AP3S2: variants seen among roughly 807,000 people sequenced by gnomAD.
The protein encoded by AP3S2 is AP-3 complex subunit sigma-2.
In AP3S2, 22 loss-of-function variants were observed where a neutral mutation model predicts 23.4. That is an observed-to-expected ratio of 0.94 (90% CI 0.67 to 1.34). The LOEUF (loss-of-function observed/expected upper bound fraction) is 1.34, where lower values mean the gene tolerates loss of function less well. Among genes scored for constraint, AP3S2 ranks in the 40% most tolerant of loss-of-function variants. AP3S2 has a pLI of 0.00. For synonymous variants in AP3S2, 86 were observed against 87.1 expected (o/e 0.99, Z 0.07); for missense variants, 241 against 236.9 (o/e 1.02, Z -0.11).
intron 3 of AP3S2, among the ~76,000 whole-genome samples, chr15:89,874,765 T>C (rs1319697087): frequency 1.3e-5 from 2 of 152,094 alleles, no homozygotes; most frequent in African/African-American, 4.8e-5. Context: ...CTGAGTGACA[T>C]ACCAAGACCT....
At chr15:89,841,815 T>C (rs1329858998) in intron 4 of AP3S2, among the ~76,000 whole-genome samples, 1 of 151,892 alleles carries the variant, frequency 6.6e-6, no homozygotes, top group East Asian at 1.9e-4. Flanking sequence ...TATTTAAAGA[T>C]AAGTATACAA....
At chr15:89,857,509 T>C (rs922389791) in intron 4 of AP3S2, among the ~76,000 whole-genome samples, 1 of 152,188 alleles carries the variant, frequency 6.6e-6, no homozygotes, top group Non-Finnish European at 1.5e-5. Context: ...CTCCCACATA[T>C]AAAAACCATT....
At chr15:89,885,934 C>CAAA (rs34323747) in intron 3 of AP3S2, among the ~76,000 whole-genome samples, 1 of 104,920 alleles carries the variant, frequency 9.5e-6, no homozygotes, top group Non-Finnish European at 1.9e-5. Context: ...GACCTTGTCT[C>CAAA]AAAAAAAAAA....
intron 4 of AP3S2, among the ~76,000 whole-genome samples, chr15:89,858,541 GAAAGAAAGAA>G (rs1567178832): frequency 6.9e-6 from 1 of 145,418 alleles, no homozygotes; most frequent in Non-Finnish European, 1.5e-5. Context: ...AAGAAAGAAA[GAAAGAAAGAA>G]AGAAAGAAAG....
chr15:89,847,375 CAAAAAAAAAAAAAAAA>C (rs11314336), intron 4 of AP3S2, among the ~76,000 whole-genome samples: 6 of 62,596 alleles, frequency 9.6e-5, no homozygotes, highest in Admixed American at 5.1e-4. Context: ...GACCCTGTTA[CAAAAAAAAAAAAAAAA>C]AAAAAAAAAA....
intron 4 of AP3S2, among the ~76,000 whole-genome samples, chr15:89,850,150 TA>T (rs1340636135): frequency 6.6e-6 from 1 of 152,244 alleles, no homozygotes; most frequent in Non-Finnish European, 1.5e-5. Flanking sequence ...CTTTGCTTTG[TA>T]AAGTTCTGTT....
At chr15:89,884,134 A>T (rs545459092) in intron 3 of AP3S2, 1 of 153,984 alleles carries the variant, frequency 6.5e-6, no homozygotes, top group African/African-American at 2.4e-5. Context: ...CAGTTACATT[A>T]ATAAATGTGT....
intron 4 of AP3S2, among the ~76,000 whole-genome samples, chr15:89,859,385 C>A (rs149037479): frequency 1.2e-5 from 1 of 86,232 alleles, no homozygotes; most frequent in Non-Finnish European, 2.3e-5. Flanking sequence ...TTCCTTCCTT[C>A]CTTTTCTTTC....
intron 3 of AP3S2, chr15:89,877,240 A>G: frequency 9.5e-7 from 1 of 1,048,878 alleles, no homozygotes; most frequent in South Asian, 1.2e-5. Flanking sequence ...CCACACATAA[A>G]GAGGAACGGG....
At chr15:89,891,012 T>C (rs1896808768) in intron 1 of AP3S2, among the ~76,000 whole-genome samples, 1 of 152,156 alleles carries the variant, frequency 6.6e-6, no homozygotes, top group Admixed American at 6.6e-5. Flanking sequence ...GAACTCTATA[T>C]ATGCAAAATA....
At chr15:89,868,330 G>A (rs1421833398) in intron 4 of AP3S2, among the ~76,000 whole-genome samples, 2 of 99,832 alleles carry the variant, frequency 2.0e-5, no homozygotes, top group Non-Finnish European at 4.3e-5. Flanking sequence ...CGCCCCGTCC[G>A]GGAGGGAGGT....
intron 4 of AP3S2, among the ~76,000 whole-genome samples, chr15:89,867,068 G>T (rs1048861854): frequency 2.3e-5 from 3 of 129,040 alleles, no homozygotes; most frequent in Non-Finnish European, 4.8e-5. Context: ...TCCCTCTCAT[G>T]CGGAGCCGAA....
At chr15:89,849,589 G>A (rs565950696) in intron 4 of AP3S2, among the ~76,000 whole-genome samples, 4 of 152,008 alleles carry the variant, frequency 2.6e-5, no homozygotes, top group South Asian at 2.1e-4. Context: ...GGATGGTCTC[G>A]ATCTCCTGAC....
At chr15:89,865,177 T>C (rs1417528603) in intron 4 of AP3S2, among the ~76,000 whole-genome samples, 1 of 152,126 alleles carries the variant, frequency 6.6e-6, no homozygotes, top group Non-Finnish European at 1.5e-5. Flanking sequence ...TACCTCATCC[T>C]CAGTTAGGGA....
chr15:89,888,491 C>T, intron 3 of AP3S2, 30 bp downstream of exon 3: 1 of 1,605,030 alleles, frequency 6.2e-7, no homozygotes, highest in Non-Finnish European at 8.5e-7. Context: ...CTCTCTAAAG[C>T]TGCTGCCATC....
At chr15:89,865,992 T>C (rs1896108192) in intron 4 of AP3S2, among the ~76,000 whole-genome samples, 2 of 152,024 alleles carry the variant, frequency 1.3e-5, no homozygotes, top group African/African-American at 4.8e-5. Flanking sequence ...GCGCGGTGGC[T>C]CACTCACGCC....
chr15:89,840,803 T>A (rs1369884186), intron 4 of AP3S2, among the ~76,000 whole-genome samples: 1 of 152,190 alleles, frequency 6.6e-6, no homozygotes, highest in Admixed American at 6.5e-5. Flanking sequence ...CCCAATGTCA[T>A]GTATATTAGC....
intron 3 of AP3S2, among the ~76,000 whole-genome samples, chr15:89,872,074 G>A (rs530338545): frequency 6.7e-6 from 1 of 148,724 alleles, no homozygotes; most frequent in South Asian, 2.1e-4. Flanking sequence ...AGCAGAGATC[G>A]CACCACTGCA....
chr15:89,849,753 C>A (rs371464132), intron 4 of AP3S2, among the ~76,000 whole-genome samples: 2 of 152,118 alleles, frequency 1.3e-5, no homozygotes, highest in African/African-American at 2.4e-5. Context: ...TAGCTATACA[C>A]GTGCCATGGT....
Sources: allele counts gnomAD v4.1 joint callset (sites outside exome capture counted in the v4.1 genomes callset), GRCh38; gene constraint gnomAD v4.1.1; transcripts MANE v1.5; gene names NCBI Gene and HGNC (gene_info 2026-07-23, HGNC 2026-07-21).